The following MCC variants were observed in gnomAD, a reference collection of about 807,000 sequenced individuals.
MCC encodes MCC regulator of Wnt signaling pathway.
MCC carries 90 observed loss-of-function variants against 116.2 expected under a neutral mutation model. The observed-to-expected ratio is 0.77, with a 90% CI of 0.65 to 0.92. MCC has a LOEUF of 0.92. Ranked by LOEUF, MCC falls within the 40% of genes least tolerant of loss-of-function variation. MCC has a pLI of 0.00. For synonymous variants in MCC, 578 were observed against 510.5 expected (o/e 1.13, Z -1.78); for missense variants, 1,516 against 1,312.2 (o/e 1.16, Z -2.40).
chr5:113,325,562 C>T (rs1177544624), intron 3 of MCC, among the ~76,000 whole-genome samples: 1 of 150,306 alleles, frequency 6.7e-6, no homozygotes, highest in Non-Finnish European at 1.5e-5. Flanking sequence ...TAGGCAATCA[C>T]GCAGAATCAC....
chr5:113,193,676 T>A (rs1387984047), intron 3 of MCC, among the ~76,000 whole-genome samples: 1 of 152,146 alleles, frequency 6.6e-6, no homozygotes, highest in Non-Finnish European at 1.5e-5. Context: ...GTTCCCCACC[T>A]CCAATTCTGT....
chr5:113,184,597 G>C (rs1263622887), intron 3 of MCC, among the ~76,000 whole-genome samples: 7 of 151,118 alleles, frequency 4.6e-5, no homozygotes, highest in Admixed American at 4.6e-4. Context: ...CAAAGTGCTA[G>C]GATTATAGGT....
At chr5:113,295,434 A>T (rs1766679876) in intron 3 of MCC, among the ~76,000 whole-genome samples, 1 of 146,076 alleles carries the variant, frequency 6.8e-6, no homozygotes, top group African/African-American at 2.4e-5. Flanking sequence ...TCCATAATGA[A>T]GATAGAGGCC....
At chr5:113,191,183 G>C (rs1762132996) in intron 3 of MCC, among the ~76,000 whole-genome samples, 6 of 152,108 alleles carry the variant, frequency 3.9e-5, no homozygotes, top group Admixed American at 3.9e-4. Context: ...TTTGCTCCTG[G>C]TCTCTTCCCA....
chr5:113,315,587 G>T (rs1440350779), intron 3 of MCC, among the ~76,000 whole-genome samples: 2 of 151,678 alleles, frequency 1.3e-5, no homozygotes, highest in Non-Finnish European at 2.9e-5. Context: ...ATGACAGCAG[G>T]CCAGACGCAG....
Position 113,434,264 on chromosome 5 carries a change from G to A in MCC, c.171-49052C>T. On this transcript the variant is annotated intron_variant, in intron 1 of 18. Coordinates refer to ENST00000408903, the MANE Select transcript of MCC (RefSeq NM_001085377.2). This position sits in a 1 kb window ranked among gnomAD's most constrained non-coding sequence, Gnocchi z 4.2. ...TCCAGATGTCGTACACCTTGGGCTGGTAGGGAATGCCCTGCAGCACCTCTG... is the reference window on the plus strand; with the variant it reads ...TCCAGATGTCGTACACCTTGGGCTGATAGGGAATGCCCTGCAGCACCTCTG... The A allele has an allele frequency of 6.2e-7, 1 of 1,614,184 alleles. No individual in the cohort carries two copies. Among genetic ancestry groups the A allele is most frequent in the Non-Finnish European group, 8.5e-7 (1 of 1,180,018 alleles).
At chr5:113,249,942 C>G (rs1251575171) in intron 3 of MCC, among the ~76,000 whole-genome samples, 1 of 146,932 alleles carries the variant, frequency 6.8e-6, no homozygotes, top group African/African-American at 2.4e-5. Context: ...CTCCAATGCA[C>G]AGTTTCCAAG....
chr5:113,197,345 G>C (rs1762463437), intron 3 of MCC, among the ~76,000 whole-genome samples: 1 of 152,128 alleles, frequency 6.6e-6, no homozygotes, highest in Non-Finnish European at 1.5e-5. Flanking sequence ...GGATAGGTAG[G>C]TAGCGGGGAA....
At chr5:113,087,688 C>A (rs891872812) in intron 8 of MCC, among the ~76,000 whole-genome samples, 1 of 152,024 alleles carries the variant, frequency 6.6e-6, no homozygotes, top group Non-Finnish European at 1.5e-5. Context: ...AATGTTAACA[C>A]CACTCCAAAA....
intron 17 of MCC, 126 bp from the exon 18 acceptor site, chr5:113,029,182 A>G: frequency 2.4e-6 from 2 of 821,470 alleles, no homozygotes; most frequent in South Asian, 4.5e-5. Context: ...AGGGAGAGAA[A>G]AGATACTAAA....
intron 2 of MCC, among the ~76,000 whole-genome samples, chr5:113,351,222 G>A (rs960844465): frequency 1.3e-5 from 2 of 150,768 alleles, no homozygotes; most frequent in African/African-American, 4.9e-5. Context: ...TATATTGAAA[G>A]GATATCTACA....
At chr5:113,043,726 TGGCAGCAGTGTG>T in intron 16 of MCC, 96 bp from the exon 17 acceptor site, 1 of 819,950 alleles carries the variant, frequency 1.2e-6, no homozygotes, top group Non-Finnish European at 2.0e-6. Flanking sequence ...CGTGCAGTGA[TGGCAGCAGTGTG>T]GGCACCGGGT....
At chr5:113,172,493 G>C (rs549451565) in intron 3 of MCC, among the ~76,000 whole-genome samples, 57 of 150,762 alleles carry the variant, frequency 3.8e-4, no homozygotes, top group African/African-American at 1.3e-3. Flanking sequence ...CTTCTTTTAA[G>C]TAACCTCGTT....
chr5:113,287,126 C>G (rs1766293712), intron 3 of MCC, among the ~76,000 whole-genome samples: 1 of 152,136 alleles, frequency 6.6e-6, no homozygotes, highest in East Asian at 1.9e-4. Context: ...CAATTTATCT[C>G]TGCTATGACA....
chr5:113,258,414 A>G (rs1765099257), intron 3 of MCC, among the ~76,000 whole-genome samples: 1 of 152,232 alleles, frequency 6.6e-6, no homozygotes, highest in South Asian at 2.1e-4. Flanking sequence ...CAGAGCACAC[A>G]GCAGGAGGTG....
intron 17 of MCC, among the ~76,000 whole-genome samples, chr5:113,036,753 T>C (rs1751356761): frequency 1.3e-5 from 2 of 152,148 alleles, no homozygotes; most frequent in African/African-American, 4.8e-5. Flanking sequence ...GGCCTTCTTC[T>C]CTTTGAGCTT....
chr5:113,038,207 C>G (rs74991383), intron 17 of MCC, among the ~76,000 whole-genome samples: 3 of 152,224 alleles, frequency 2.0e-5, no homozygotes, highest in South Asian at 2.1e-4. Context: ...CAGGAAGAAA[C>G]AGAATTGTAT....
chr5:113,102,680 A>C (rs962204416), intron 7 of MCC, among the ~76,000 whole-genome samples: 18 of 152,254 alleles, frequency 1.2e-4, no homozygotes, highest in Admixed American at 1.0e-3. Context: ...TAGGGAAAAA[A>C]GGAAGAAGTC....
At chr5:113,289,764 CT>C (rs1246038824) in intron 3 of MCC, among the ~76,000 whole-genome samples, 1 of 152,204 alleles carries the variant, frequency 6.6e-6, no homozygotes, top group East Asian at 1.9e-4. Context: ...AGTCTTCCCC[CT>C]GAACTCTGCC....
Sources: gnomAD v4.1 joint callset for allele counts (sites outside exome capture counted in the v4.1 genomes callset) on GRCh38, gnomAD v4.1.1 for gene constraint, Gnocchi (gnomAD v3.1) non-coding constraint, MANE v1.5 for transcripts, NCBI Gene and HGNC (gene_info 2026-07-23, HGNC 2026-07-21) for gene names.